Variants in RTN3 observed in about 807,000 individuals in gnomAD.
RTN3 encodes reticulon-3.
A neutral mutation model predicts 77.8 loss-of-function variants in RTN3; 49 were observed. That is an observed-to-expected ratio of 0.63 (90% CI 0.50 to 0.80). The LOEUF is 0.80. RTN3 is among the 30% of genes least tolerant of loss of function. The pLI, the probability that RTN3 is intolerant of heterozygous loss-of-function variation, is 0.00. For synonymous variants in RTN3, 464 were observed against 446.9 expected, an observed-to-expected ratio of 1.04 and a Z score of -0.48; for missense variants, 1,236 against 1,211.9, an observed-to-expected ratio of 1.02 and a Z score of -0.29.
At position 63,758,436 on chromosome 11, in the gene RTN3, A is replaced by G. The variant is rs1181733734; in HGVS notation, c.*235A>G. 1 of 1,200,912 alleles carries G rather than the reference A, an allele frequency of 8.3e-7. No homozygotes were observed. The highest frequency in any genetic ancestry group is 1.2e-6 in the Non-Finnish European group (1 of 860,758). 74.4% of individuals were successfully genotyped at this position (1,200,912 alleles called of 1,614,324 possible). ...CTCAGAAGAAGAAAGAATCAAATTC[A>G]TAGGATAAGTCAATACCTTAATGGT... On this transcript the variant is annotated 3_prime_UTR_variant, in exon 9 of 9. Coordinates refer to ENST00000377819, the MANE Select transcript of RTN3 (RefSeq NM_001265589.2).
In RTN3 at chr11:63,719,895, G is replaced by A. The variant is rs772531294; in HGVS notation, c.1393G>A (p.Val465Met). ...PEKCDSLGSG[V>M]ATVKVVLPDD... is the part of the protein sequence containing the mutation. ...GAAATGTGACTCTTTGGGTTCTGGA[G>A]TGGCCACAGTGAAAGTGGTTTTACC... is the stretch of plus-strand genomic sequence containing the variant. The change falls in exon 3 of 9, where the codon GTG (valine) becomes ATG (methionine). Residue 465 changes from valine (V) to methionine (M), a missense_variant. Transcript: ENST00000377819. The A allele has an allele frequency of 1.1e-5, 18 of 1,614,028 alleles. No homozygotes were observed. The African/African-American group carries it at 2.3e-4, about 20-fold the overall frequency.
intron 1 of RTN3, among the ~76,000 whole-genome samples, chr11:63,704,353 C>G (rs184480096): frequency 2.0e-5 from 3 of 151,984 alleles, no homozygotes; most frequent in Admixed American, 2.0e-4. Context: ...CCTGTCTTCC[C>G]CATGGATTAA....
Position 63,735,602 on chromosome 11 carries a change from T to TCTCTCTCTC in RTN3, c.2531-14389_2531-14388insCTCTCTCTC, listed in dbSNP as rs1555078117. On this transcript the variant is annotated intron_variant, in intron 3 of 8. Transcript: ENST00000377819. ...TCTCTCTCTCTCTCTCTCTCTCTCT[T>TCTCTCTCTC]TCTTTCAACCCCTGTTTCCTGGGCT... is the stretch of plus-strand genomic sequence containing the variant. Among the ~76,000 whole-genome samples the TCTCTCTCTC allele has an allele frequency of 4.0e-3, 101 of 24,990 alleles. 2 individuals carry two copies. The highest frequency in any genetic ancestry group is 0.011 in the South Asian group (10 of 872). 16.4% of individuals were successfully genotyped at this position (24,990 alleles called of 152,430 possible).
chr11:63,707,859 C>T (rs1942574520), intron 2 of RTN3, among the ~76,000 whole-genome samples: 1 of 152,014 alleles, frequency 6.6e-6, no homozygotes, highest in Non-Finnish European at 1.5e-5. Context: ...AAAAGAATGC[C>T]CTATCCTCGA....
At chr11:63,749,767 T>C (rs1214474084) in intron 3 of RTN3, among the ~76,000 whole-genome samples, 4 of 152,198 alleles carry the variant, frequency 2.6e-5, no homozygotes, top group Non-Finnish European at 5.9e-5. Context: ...CACACACCTG[T>C]AGTCTGGCTA....
intron 3 of RTN3, among the ~76,000 whole-genome samples, chr11:63,742,782 G>A (rs1055032519): frequency 2.6e-5 from 4 of 152,038 alleles, no homozygotes; most frequent in African/African-American, 9.7e-5. Context: ...ATCTTTGTTG[G>A]TTTCTCTCAG....
chr11:63,682,470 C>T (rs563564365), intron 1 of RTN3, among the ~76,000 whole-genome samples: 1 of 152,180 alleles, frequency 6.6e-6, no homozygotes, highest in Non-Finnish European at 1.5e-5. Context: ...CAAGATGGAT[C>T]CGTGGCTGCA....
intron 7 of RTN3, among the ~76,000 whole-genome samples, chr11:63,754,303 T>G (rs1292038403): frequency 2.6e-5 from 4 of 151,778 alleles, no homozygotes; most frequent in Non-Finnish European, 5.9e-5. Context: ...CCTATAATCC[T>G]AACACTTTGG....
intron 3 of RTN3, among the ~76,000 whole-genome samples, chr11:63,730,782 G>A (rs954250578): frequency 3.3e-5 from 5 of 152,132 alleles, no homozygotes; most frequent in African/African-American, 1.2e-4. Context: ...TCACACCACT[G>A]CACTCCAGCC....
At chr11:63,740,034 T>C (rs569155095) in intron 3 of RTN3, among the ~76,000 whole-genome samples, 2 of 152,296 alleles carry the variant, frequency 1.3e-5, no homozygotes, top group African/African-American at 4.8e-5. Flanking sequence ...TCTGTTTCCG[T>C]AGCTTCAAAT....
intron 3 of RTN3, among the ~76,000 whole-genome samples, chr11:63,728,977 T>G (rs904866298): frequency 9.9e-5 from 15 of 151,618 alleles, no homozygotes; most frequent in African/African-American, 3.6e-4. Context: ...TACTTCTTAC[T>G]AGAAACCACA....
At chr11:63,686,487 AAAAG>A (rs1182031232) in intron 1 of RTN3, among the ~76,000 whole-genome samples, 1 of 151,174 alleles carries the variant, frequency 6.6e-6, no homozygotes, top group Non-Finnish European at 1.5e-5. Context: ...AAAAAAAAAA[AAAAG>A]AACAAATTCT....
At chr11:63,717,549 G>A (rs1055843098) in intron 2 of RTN3, among the ~76,000 whole-genome samples, 10 of 151,136 alleles carry the variant, frequency 6.6e-5, no homozygotes, top group East Asian at 2.0e-4. Flanking sequence ...CACCACGCCC[G>A]GCTAATTTTT....
chr11:63,718,516 T>C (rs1306945932), intron 2 of RTN3, among the ~76,000 whole-genome samples, 186 bp from the exon 3 acceptor site: 1 of 152,176 alleles, frequency 6.6e-6, no homozygotes, highest in Non-Finnish European at 1.5e-5. Context: ...CTGTTGGCAG[T>C]TTTATGCATG....
chr11:63,699,556 C>A (rs1403193608), intron 1 of RTN3, among the ~76,000 whole-genome samples: 2 of 152,136 alleles, frequency 1.3e-5, no homozygotes, highest in African/African-American at 4.8e-5. Flanking sequence ...TTCTAAAACA[C>A]GTGATATTGT....
rs535382252 is a variant in RTN3, at chr11:63,728,919, G to C, written c.2530+7887G>C. 2.0e-5 allele frequency among the ~76,000 whole-genome samples: 3 copies of C among 150,056 alleles called. No individual in the cohort carries two copies. In the East Asian group the frequency reaches 5.8e-4, roughly 29 times the overall value. ...AAAAAAAAAGAAAAAAGAAAAGAAA[G>C]TAGCTAGAGAAGAATGACACAGGGA... On this transcript the variant is annotated intron_variant, in intron 3 of 8. Coordinates refer to ENST00000377819, the MANE Select transcript of RTN3 (RefSeq NM_001265589.2).
rs376963293 is a variant in RTN3, at chr11:63,718,650, A to G, written c.200-52A>G. 6 of 1,381,042 alleles carry G rather than the reference A, an allele frequency of 4.3e-6. No individual in the cohort carries two copies. In the African/African-American group the frequency reaches 5.8e-5, roughly 13 times the overall value. 85.5% of individuals were successfully genotyped at this position (1,381,042 alleles called of 1,614,324 possible). A position where few individuals can be genotyped will look rare whatever the true frequency, so the allele number is the denominator to read the frequency against. Reference sequence around the variant, plus strand: ...GCATGCTGCTTGGCTTGGCTAGCTAATGTGTAATTGTACCTGGTAAACAAT... The same window carrying G: ...GCATGCTGCTTGGCTTGGCTAGCTAGTGTGTAATTGTACCTGGTAAACAAT... On this transcript the variant is annotated intron_variant, in intron 2 of 8. Coordinates refer to ENST00000377819, the MANE Select transcript of RTN3 (RefSeq NM_001265589.2).
intron 2 of RTN3, among the ~76,000 whole-genome samples, chr11:63,716,371 ACTT>A (rs1555072653): frequency 6.6e-6 from 1 of 152,224 alleles, no homozygotes; most frequent in Non-Finnish European, 1.5e-5. Flanking sequence ...TCCCAAAAGA[ACTT>A]CTCTGTCACA....
intron 7 of RTN3, among the ~76,000 whole-genome samples, chr11:63,754,245 G>A (rs1484297652): frequency 6.6e-6 from 1 of 152,166 alleles, no homozygotes; most frequent in Non-Finnish European, 1.5e-5. Flanking sequence ...CAGCCTGGGT[G>A]ATGGGAGTGA....
Sources: gnomAD v4.1 joint callset for allele counts (sites outside exome capture counted in the v4.1 genomes callset) on GRCh38, gnomAD v4.1.1 for gene constraint, MANE v1.5 for transcripts, NCBI Gene and HGNC (gene_info 2026-07-23, HGNC 2026-07-21) for gene names.